Variants in EPC1 observed in about 807,000 individuals in gnomAD.
EPC1 encodes the protein enhancer of polycomb 1, also known as enhancer of polycomb homolog 1.
Under a neutral mutation model 98.4 loss-of-function variants are expected in EPC1, and 12 were observed. The ratio of observed to expected loss-of-function variants is 0.12; its 90% CI spans 0.08 to 0.20. EPC1 has a LOEUF of 0.20. EPC1 is among the 10% of genes least tolerant of loss of function. The pLI is 1.00. For synonymous variants in EPC1, 357 were observed against 363.9 expected, an observed-to-expected ratio of 0.98 and a Z score of 0.21; for missense variants, 729 against 990.5, an observed-to-expected ratio of 0.74 and a Z score of 3.54.
intron 10 of EPC1, 51 bp downstream of exon 10, chr10:32,284,647 G>A: frequency 7.0e-7 from 1 of 1,428,738 alleles, no homozygotes; most frequent in Non-Finnish European, 9.6e-7. Context: ...AATGGGAAAT[G>A]GTTGGACCTG....
In EPC1 at chr10:32,287,032, G is replaced by C; in HGVS notation, c.1153-17C>G. ...AGACAAAACCTTTAAATGAAATAAAGAAAGTAGGTCAGATACGTGACTTCC... is the reference window on the plus strand; with the variant it reads ...AGACAAAACCTTTAAATGAAATAAACAAAGTAGGTCAGATACGTGACTTCC... On this transcript the variant is annotated splice_polypyrimidine_tract_variant and intron_variant, in intron 7 of 13. Coordinates refer to ENST00000319778, the MANE Select transcript of EPC1 (RefSeq NM_001272004.3). 1 of 1,613,750 alleles carries C rather than the reference G, an allele frequency of 6.2e-7. No individual in the cohort carries two copies. The highest frequency in any genetic ancestry group is 8.5e-7 in the Non-Finnish European group (1 of 1,179,878).
chr10:32,286,562 G>C, intron 9 of EPC1, 132 bp downstream of exon 9: 1 of 1,067,448 alleles, frequency 9.4e-7, no homozygotes, highest in Non-Finnish European at 1.3e-6. Context: ...AAATATTTTA[G>C]TCAACAGATC....
intron 2 of EPC1, among the ~76,000 whole-genome samples, chr10:32,300,576 G>C (rs1249348615): frequency 6.6e-6 from 1 of 151,698 alleles, no homozygotes; most frequent in Non-Finnish European, 1.5e-5. Flanking sequence ...TGGGATTACA[G>C]ATGCACACCA....
rs548386575 is a variant in EPC1 at position 32,304,960 on chromosome 10, C to G, written c.313+812G>C. 2.0e-5 allele frequency among the ~76,000 whole-genome samples: 3 copies of G among 151,228 alleles called. No individual in the cohort carries two copies. In the South Asian group the frequency reaches 6.3e-4, roughly 32 times the overall value. On this transcript the variant is annotated intron_variant, in intron 2 of 13. Transcript: ENST00000319778. Reference sequence around the variant, plus strand: ...AAGAAAAAAGAAAAAAGAAAAACCTCTTGATCATAAAGATTAACAAGACAA... The same window carrying G: ...AAGAAAAAAGAAAAAAGAAAAACCTGTTGATCATAAAGATTAACAAGACAA...
chr10:32,347,221 GC>G, upstream of EPC1: 1 of 1,226,588 alleles, frequency 8.2e-7, no homozygotes, highest in Non-Finnish European at 1.0e-6. Context: ...GGGCACGCGG[GC>G]GGGGGGAGGG....
intron 1 of EPC1, among the ~76,000 whole-genome samples, chr10:32,341,704 G>C (rs1487014735): frequency 6.6e-6 from 1 of 152,152 alleles, no homozygotes; most frequent in South Asian, 2.1e-4. Context: ...TGTTCAAAAG[G>C]TCCCTTCTGT....
intron 1 of EPC1, among the ~76,000 whole-genome samples, chr10:32,376,539 G>A (rs1277420221): frequency 6.6e-6 from 1 of 151,958 alleles, no homozygotes; most frequent in Non-Finnish European, 1.5e-5. Context: ...TAGCTAAAAT[G>A]TTACAGTGAA....
intron 1 of EPC1, among the ~76,000 whole-genome samples, chr10:32,368,534 GT>G (rs570616342): frequency 1.3e-5 from 2 of 151,862 alleles, no homozygotes; most frequent in South Asian, 2.1e-4. Flanking sequence ...TCAGGGAAGT[GT>G]TTTTTTTGTT....
intron 1 of EPC1, among the ~76,000 whole-genome samples, chr10:32,346,186 C>G (rs1016435767): frequency 2.0e-5 from 3 of 152,222 alleles, no homozygotes; most frequent in African/African-American, 2.4e-5. Context: ...GAGCAGCAGG[C>G]GACATGACAT....
intron 10 of EPC1, chr10:32,274,073 A>ACC (rs35154578): frequency 2.6e-5 from 4 of 151,038 alleles, no homozygotes; most frequent in African/African-American, 9.7e-5. Context: ...TTCATTTATT[A>ACC]CCCCCCCAAA....
intron 1 of EPC1, among the ~76,000 whole-genome samples, chr10:32,323,165 T>A (rs190574115): frequency 1.6e-4 from 24 of 152,296 alleles, no homozygotes; most frequent in African/African-American, 5.8e-4. Context: ...ACAATGTACT[T>A]CTTCTTATTC....
chr10:32,281,362 T>A (rs2986929), intron 10 of EPC1, among the ~76,000 whole-genome samples: 150,197 of 152,300 alleles, frequency 0.99, 74,084 homozygotes, highest in Middle Eastern at 1. Flanking sequence ...CTGTTTTAAT[T>A]AGCCCAACAC....
chr10:32,375,012 A>G (rs1592645881), intron 1 of EPC1, among the ~76,000 whole-genome samples: 1 of 152,152 alleles, frequency 6.6e-6, no homozygotes, highest in Admixed American at 6.5e-5. Flanking sequence ...CATTTTGGAA[A>G]GATCAAAAAC....
At chr10:32,344,509 G>C (rs1331812138) in intron 1 of EPC1, among the ~76,000 whole-genome samples, 1 of 152,176 alleles carries the variant, frequency 6.6e-6, no homozygotes, top group Admixed American at 6.5e-5. Context: ...AAATTGGCCG[G>C]GCGCGGTGGC....
chr10:32,312,368 TAG>T, intron 1 of EPC1, among the ~76,000 whole-genome samples: 1 of 152,216 alleles, frequency 6.6e-6, no homozygotes, highest in Admixed American at 6.5e-5. Flanking sequence ...AACCATCAAT[TAG>T]AGAGACATCT....
intron 1 of EPC1, among the ~76,000 whole-genome samples, chr10:32,352,606 G>C (rs1034067986): frequency 6.6e-6 from 1 of 152,056 alleles, no homozygotes; most frequent in Non-Finnish European, 1.5e-5. Context: ...CTGAAGCATC[G>C]GTGAGCAGTT....
chr10:32,273,012 A>T, intron 11 of EPC1, 151 bp downstream of exon 11: 1 of 1,613,588 alleles, frequency 6.2e-7, no homozygotes, highest in Non-Finnish European at 8.5e-7. Context: ...TTCCATACTC[A>T]CCTGTAGTGT....
chr10:32,366,428 T>C (rs1839605889), intron 1 of EPC1, among the ~76,000 whole-genome samples: 1 of 152,160 alleles, frequency 6.6e-6, no homozygotes, highest in African/African-American at 2.4e-5. Context: ...TACAAATGAT[T>C]AAAATAAAAA....
Position 32,288,378 on chromosome 10 carries a change from G to A in EPC1, c.976-1104C>T, listed in dbSNP as rs557242483. 4.7e-5 allele frequency among the ~76,000 whole-genome samples: 7 copies of A among 148,382 alleles called. No homozygotes were observed. In the East Asian group the frequency reaches 6.0e-4, roughly 13 times the overall value. ...CACTTAGGCTGGAGTACAGTGGTGC[G>A]GTATCAGCACACTGCAATCTCCGCC... On this transcript the variant is annotated intron_variant, in intron 6 of 13. Coordinates refer to ENST00000319778, the MANE Select transcript of EPC1 (RefSeq NM_001272004.3).
Sources: allele counts gnomAD v4.1 joint callset (sites outside exome capture counted in the v4.1 genomes callset), GRCh38; gene constraint gnomAD v4.1.1; transcripts MANE v1.5; gene names NCBI Gene and HGNC (gene_info 2026-07-23, HGNC 2026-07-21).